GAL3ST1: variants seen among roughly 807,000 people sequenced by gnomAD.
GAL3ST1 encodes galactosylceramide sulfotransferase.
Under a neutral mutation model 25.0 loss-of-function variants are expected in GAL3ST1, and 13 were observed. That is an observed-to-expected ratio of 0.52 (90% confidence interval 0.34 to 0.83). GAL3ST1 has a LOEUF of 0.83. Ranked by LOEUF, GAL3ST1 falls within the 40% of genes least tolerant of loss-of-function variation. The pLI, the probability that GAL3ST1 is intolerant of heterozygous loss-of-function variation, is 0.02. For synonymous variants in GAL3ST1, 274 were observed against 277.8 expected (o/e 0.99, Z 0.14); for missense variants, 474 against 613.6 (o/e 0.77, Z 2.40).
intron 1 of GAL3ST1, among the ~76,000 whole-genome samples, chr22:30,558,923 C>T (rs2086207665): frequency 6.6e-6 from 1 of 151,994 alleles, no homozygotes; most frequent in Non-Finnish European, 1.5e-5. Flanking sequence ...TTTGGGAGGC[C>T]GAGGAGGGTG....
At chr22:30,559,568 A>G (rs1165153055) in intron 1 of GAL3ST1, among the ~76,000 whole-genome samples, 1 of 151,936 alleles carries the variant, frequency 6.6e-6, no homozygotes, top group Non-Finnish European at 1.5e-5. Context: ...TATTTATTTT[A>G]TATTATTATT....
In GAL3ST1 at chr22:30,555,045, G is replaced by T. The variant is rs771561222; in HGVS notation, c.1180C>A (p.Leu394Ile). Residue 394 changes from leucine (L) to isoleucine (I), a missense_variant, in exon 4 of 4, where the codon CTC becomes ATC. By Grantham distance (5) the Leu-to-Ile change is conservative (BLOSUM62 2). Coordinates refer to ENST00000406361, the MANE Select transcript of GAL3ST1 (RefSeq NM_001318104.2). The surrounding 1 kb of genome is among the most constrained non-coding windows in gnomAD (Gnocchi z 8.6). Reference sequence around the variant, plus strand: ...ATCAGGTACTGGATCTCGGGCGTGAGCATGCGCCGGCAGAGCTGCGCGTGC... The same window carrying T: ...ATCAGGTACTGGATCTCGGGCGTGATCATGCGCCGGCAGAGCTGCGCGTGC... ...QRHAQLCRRM[L>I]TPEIQYLMDL... The T allele has an allele frequency of 3.1e-6, 5 of 1,611,948 alleles. No individual in the cohort carries two copies. In the Admixed American group the frequency reaches 5.0e-5, roughly 16 times the overall value.
chr22:30,560,798 C>T (rs2086362853), intron 1 of GAL3ST1: 1 of 152,244 alleles, frequency 6.6e-6, no homozygotes, highest in South Asian at 2.1e-4. Context: ...GGTTCAGGCC[C>T]AGCAGCAGGG....
chr22:30,559,439 C>T (rs1306964157), intron 1 of GAL3ST1, among the ~76,000 whole-genome samples: 1 of 152,118 alleles, frequency 6.6e-6, no homozygotes, highest in Non-Finnish European at 1.5e-5. Context: ...TGGAGTTTCA[C>T]CATGTTGGCC....
intron 1 of GAL3ST1, among the ~76,000 whole-genome samples, chr22:30,565,637 G>A (rs1410725697): frequency 6.6e-6 from 1 of 152,180 alleles, no homozygotes; most frequent in Non-Finnish European, 1.5e-5. Context: ...CCTGGGTGAG[G>A]AATGGTGATA....
At chr22:30,568,216 C>T (rs1293000101) in intron 1 of GAL3ST1, among the ~76,000 whole-genome samples, 3 of 152,226 alleles carry the variant, frequency 2.0e-5, no homozygotes, top group Non-Finnish European at 4.4e-5. Context: ...ATCAGGAAGG[C>T]TTCCTGGGGT....
Position 30,554,870 on chromosome 22 carries a change from T to A in GAL3ST1, c.*83A>T, listed in dbSNP as rs994284583. The A allele has an allele frequency of 8.7e-7, 1 of 1,155,070 alleles. No individual in the cohort carries two copies. The highest frequency in any genetic ancestry group is 1.6e-5 in the African/African-American group (1 of 63,794). The allele number at this position is 1,155,070 out of a possible 1,614,324, so 71.6% of individuals were successfully genotyped here. A position where few individuals can be genotyped will look rare whatever the true frequency, so the allele number is the denominator to read the frequency against. ...GTCTGAGGTGGCACCAGGAGGGGGC[T>A]GGGGGCGGCCAGCACCAGCGGCGTC... is the stretch of plus-strand genomic sequence containing the variant. On this transcript the variant is annotated 3_prime_UTR_variant, in exon 4 of 4. Transcript: ENST00000406361.
chr22:30,558,449 G>C (rs2086175168), intron 1 of GAL3ST1, 61 bp from the exon 2 acceptor site: 1 of 152,192 alleles, frequency 6.6e-6, no homozygotes, highest in Non-Finnish European at 1.5e-5. Flanking sequence ...CCCGTGCCCT[G>C]GGCCCTCCCT....
chr22:30,562,162 T>C (rs1444370508), intron 1 of GAL3ST1, among the ~76,000 whole-genome samples: 1 of 152,148 alleles, frequency 6.6e-6, no homozygotes, highest in Admixed American at 6.5e-5. Flanking sequence ...TGGATCTTCT[T>C]GCCTCGGCCT....
chr22:30,557,379 T>C lies in GAL3ST1; in HGVS notation c.14A>G (p.Gln5Arg), dbSNP rs777033091. Reference sequence around the variant, plus strand: ...AGCCATGGACTCCCAGGGCTTCTTCTGCGGTGGCAGCATCTCAGACACCTG... The same window carrying C: ...AGCCATGGACTCCCAGGGCTTCTTCCGCGGTGGCAGCATCTCAGACACCTG... Reference protein sequence around the residue: MLPPQKKPWESMAKG... With the variant: MLPPRKKPWESMAKG... Residue 5 changes from glutamine to arginine, a missense_variant, in exon 3 of 4, where the codon CAG becomes CGG. Around this residue, in one of 2 missense-constraint regions of GAL3ST1, gnomAD observed 115 missense variants for 109.2 expected, o/e 1.05. Coordinates refer to ENST00000406361, the MANE Select transcript of GAL3ST1 (RefSeq NM_001318104.2). 15 of 1,614,070 alleles carry C rather than the reference T, an allele frequency of 9.3e-6. No homozygotes were observed. The highest frequency in any genetic ancestry group is 1.3e-5 in the Non-Finnish European group (15 of 1,180,024).
At chr22:30,558,743 C>T (rs2086197141) in intron 1 of GAL3ST1, among the ~76,000 whole-genome samples, 1 of 152,222 alleles carries the variant, frequency 6.6e-6, no homozygotes, top group Admixed American at 6.5e-5. Context: ...ACATACCCAC[C>T]CCCTTTCCAA....
At chr22:30,559,243 GTTTAT>G (rs921284317) in intron 1 of GAL3ST1, among the ~76,000 whole-genome samples, 1 of 151,956 alleles carries the variant, frequency 6.6e-6, no homozygotes, top group African/African-American at 2.4e-5. Flanking sequence ...ATTTTTATAT[GTTTAT>G]TTTATTTTTT....
At chr22:30,570,448 C>A (rs1188804971) in intron 1 of GAL3ST1, among the ~76,000 whole-genome samples, 1 of 152,182 alleles carries the variant, frequency 6.6e-6, no homozygotes, top group Non-Finnish European at 1.5e-5. Flanking sequence ...CCAGTGCTCA[C>A]AGAGCCTTTA....
In GAL3ST1 at chr22:30,555,171, C is replaced by T. The variant is rs1323705408; in HGVS notation, c.1054G>A (p.Val352Met). 1.2e-6 allele frequency: 2 copies of T among 1,602,946 alleles called. No homozygotes were observed. The highest frequency in any genetic ancestry group is 1.7e-6 in the Non-Finnish European group (2 of 1,176,612). Reference protein sequence around the residue: ...RTICIDGGHAVDAAAIQDEAM... With the variant: ...RTICIDGGHAMDAAAIQDEAM... Reference sequence around the variant, plus strand: ...TCGTCCTGGATGGCGGCGGCGTCCACGGCGTGGCCCCCGTCGATGCAGATG... The same window carrying T: ...TCGTCCTGGATGGCGGCGGCGTCCATGGCGTGGCCCCCGTCGATGCAGATG... The change falls in exon 4 of 4, where the codon GTG becomes ATG. Residue 352 changes from valine to methionine, a missense_variant. This residue lies in a region of GAL3ST1 where 359 missense variants were observed against 504.4 expected (regional missense o/e 0.71). Coordinates refer to ENST00000406361, the MANE Select transcript of GAL3ST1 (RefSeq NM_001318104.2). This position sits in a 1 kb window ranked among gnomAD's most constrained non-coding sequence, Gnocchi z 8.6.
intron 1 of GAL3ST1, among the ~76,000 whole-genome samples, chr22:30,567,064 C>T (rs887262368): frequency 6.6e-6 from 1 of 152,122 alleles, no homozygotes; most frequent in Non-Finnish European, 1.5e-5. Context: ...TCAAGCAATT[C>T]TCCTGCCTCA....
chr22:30,556,999 T>C (rs1326629860), intron 3 of GAL3ST1, among the ~76,000 whole-genome samples: 1 of 152,200 alleles, frequency 6.6e-6, no homozygotes, highest in Non-Finnish European at 1.5e-5. Context: ...CCTCCCAAAG[T>C]GCTAGGATTA....
chr22:30,555,451 C>G lies in GAL3ST1; in HGVS notation c.774G>C (p.Ser258=). 6.2e-7 allele frequency: 1 copy of G among 1,612,764 alleles called. No homozygotes were observed. The highest frequency in any genetic ancestry group is 8.5e-7 in the Non-Finnish European group (1 of 1,179,986). ...LVLLQEYFDE[S]LVLLKDLLCW... is the part of the protein sequence containing the mutation. ...ACAGCAGGTCCTTCAGCAGCACCAG[C>G]GACTCGTCGAAGTACTCTTGAAGGA... Residue 258 remains serine (S), a synonymous_variant, in exon 4 of 4, where the codon TCG becomes TCC. Coordinates refer to ENST00000406361, the MANE Select transcript of GAL3ST1 (RefSeq NM_001318104.2). This position sits in a 1 kb window ranked among gnomAD's most constrained non-coding sequence, Gnocchi z 8.6.
chr22:30,562,566 G>A (rs541790590), intron 1 of GAL3ST1, among the ~76,000 whole-genome samples: 5 of 152,274 alleles, frequency 3.3e-5, no homozygotes, highest in East Asian at 3.9e-4. Flanking sequence ...GTTCACCGGC[G>A]TGCCAGAGGT....
At chr22:30,568,211 G>A (rs2086680581) in intron 1 of GAL3ST1, among the ~76,000 whole-genome samples, 1 of 152,188 alleles carries the variant, frequency 6.6e-6, no homozygotes, top group Non-Finnish European at 1.5e-5. Context: ...GCAGTATCAG[G>A]AAGGCTTCCT....
Sources: allele counts gnomAD v4.1 joint callset (sites outside exome capture counted in the v4.1 genomes callset), GRCh38; gene constraint gnomAD v4.1.1; regional missense constraint gnomAD v4.1.1; non-coding constraint Gnocchi (gnomAD v3.1); transcripts MANE v1.5; gene names NCBI Gene and HGNC (gene_info 2026-07-23, HGNC 2026-07-21).